The following SCMH1 variants were observed in gnomAD, a reference collection of about 807,000 sequenced individuals.
SCMH1 encodes polycomb protein SCMH1.
A neutral mutation model predicts 70.8 loss-of-function variants in SCMH1; 37 were observed. The ratio of observed to expected loss-of-function variants is 0.52; its 90% CI spans 0.40 to 0.69. SCMH1 has a LOEUF of 0.69. Ranked by LOEUF, SCMH1 falls within the 30% of genes least tolerant of loss-of-function variation. SCMH1 has a pLI of 0.00. For missense variants in SCMH1, 607 were observed against 827.3 expected, an observed-to-expected ratio of 0.73 and a Z score of 3.27; for synonymous variants, 292 against 307.4, an observed-to-expected ratio of 0.95 and a Z score of 0.52.
intron 1 of SCMH1, among the ~76,000 whole-genome samples, chr1:41,206,999 T>C (rs1655708698): frequency 1.3e-5 from 2 of 152,180 alleles, no homozygotes; most frequent in Admixed American, 6.5e-5. Context: ...CTCAGAGATT[T>C]TGTCACCACC....
At chr1:41,104,421 G>T (rs1271857360) in intron 8 of SCMH1, among the ~76,000 whole-genome samples, 1 of 152,066 alleles carries the variant, frequency 6.6e-6, no homozygotes, top group African/African-American at 2.4e-5. Flanking sequence ...AGGGTTAAAG[G>T]GAAAATAGTA....
At chr1:41,028,340 C>T in intron 14 of SCMH1, 21 bp from the exon 16 acceptor site, 1 of 1,609,436 alleles carries the variant, frequency 6.2e-7, no homozygotes, top group Non-Finnish European at 8.5e-7. Flanking sequence ...GGGAGGTGGG[C>T]AGAAGTGGAA....
At chr1:41,139,410 G>T (rs1322510099) in intron 6 of SCMH1, among the ~76,000 whole-genome samples, 1 of 152,024 alleles carries the variant, frequency 6.6e-6, no homozygotes, top group African/African-American at 2.4e-5. Flanking sequence ...TGATAATTGT[G>T]GCATTCTCGG....
chr1:41,185,657 T>TG (rs1649994949), intron 2 of SCMH1, among the ~76,000 whole-genome samples: 1 of 147,908 alleles, frequency 6.8e-6, no homozygotes, highest in Non-Finnish European at 1.5e-5. Flanking sequence ...TTTTTTGAGA[T>TG]GGAGTTTTGC....
chr1:41,095,986 G>A (rs543379575), intron 8 of SCMH1, among the ~76,000 whole-genome samples: 17 of 152,172 alleles, frequency 1.1e-4, no homozygotes, highest in Middle Eastern at 3.4e-3. Flanking sequence ...GAATAGGATA[G>A]CATACAGTAA....
At chr1:41,233,857 G>A (rs920386510) in intron 1 of SCMH1, among the ~76,000 whole-genome samples, 5 of 152,164 alleles carry the variant, frequency 3.3e-5, no homozygotes, top group African/African-American at 1.2e-4. Context: ...CTGCACAAGA[G>A]CACAGACTGT....
chr1:41,210,469 C>T (rs1557833841), intron 1 of SCMH1, among the ~76,000 whole-genome samples: 1 of 152,156 alleles, frequency 6.6e-6, no homozygotes, highest in East Asian at 1.9e-4. Flanking sequence ...CATTACAAGA[C>T]TACGTAACCA....
At chr1:41,151,388 AAAG>A (rs1362534675) in intron 5 of SCMH1, among the ~76,000 whole-genome samples, 1 of 152,236 alleles carries the variant, frequency 6.6e-6, no homozygotes, top group Non-Finnish European at 1.5e-5. Context: ...TCAAGGAGGT[AAAG>A]AAGGAGGCAA....
intron 2 of SCMH1, among the ~76,000 whole-genome samples, chr1:41,165,244 T>C (rs1392569907): frequency 6.6e-6 from 1 of 152,164 alleles, no homozygotes; most frequent in African/African-American, 2.4e-5. Flanking sequence ...ATGTATTCCA[T>C]TGTGTATATA....
In SCMH1 at chr1:41,114,325, T is replaced by C. The variant is rs996514349; in HGVS notation, c.502-799A>G. Among the ~76,000 whole-genome samples the C allele has an allele frequency of 6.3e-4, 96 of 152,360 alleles. 1 individual carries two copies. Among genetic ancestry groups the C allele is most frequent in the African/African-American group, 2.2e-3 (91 of 41,592 alleles). On this transcript the variant is annotated intron_variant, in intron 7 of 14. Coordinates refer to ENST00000337495, the Ensembl canonical transcript of SCMH1. ...GGTGCTAATTTGTAATGCAGTTACATAGATCAAGTTTCAAAAAATGTGTTG... is the reference window on the plus strand; with the variant it reads ...GGTGCTAATTTGTAATGCAGTTACACAGATCAAGTTTCAAAAAATGTGTTG...
chr1:41,168,035 A>G (rs1272425843), intron 2 of SCMH1, among the ~76,000 whole-genome samples: 2 of 149,804 alleles, frequency 1.3e-5, no homozygotes, highest in Non-Finnish European at 3.0e-5. Context: ...ATGACAATTC[A>G]CTTTTCCCTT....
At chr1:41,153,385 T>C (rs1397835829) in intron 4 of SCMH1, among the ~76,000 whole-genome samples, 2 of 152,236 alleles carry the variant, frequency 1.3e-5, no homozygotes, top group Non-Finnish European at 2.9e-5. Flanking sequence ...AGTTACTGTA[T>C]TAGGAAGCAC....
chr1:41,118,418 A>G (rs1285031059), intron 6 of SCMH1, among the ~76,000 whole-genome samples: 3 of 152,202 alleles, frequency 2.0e-5, no homozygotes, highest in Non-Finnish European at 4.4e-5. Context: ...GGATCTAATA[A>G]TCTCTTAAGA....
intron 1 of SCMH1, among the ~76,000 whole-genome samples, chr1:41,215,284 C>A (rs1338649242): frequency 6.6e-6 from 1 of 152,096 alleles, no homozygotes; most frequent in Non-Finnish European, 1.5e-5. Context: ...CAGAATAATT[C>A]TTCTGAAATA....
chr1:41,029,006 G>C (rs1051417299), intron 13 of SCMH1, among the ~76,000 whole-genome samples: 4 of 152,182 alleles, frequency 2.6e-5, no homozygotes, highest in Admixed American at 1.3e-4. Context: ...GTACCAACAT[G>C]GTAAGGGGAC....
intron 8 of SCMH1, among the ~76,000 whole-genome samples, chr1:41,110,480 G>A (rs1199795644): frequency 1.3e-5 from 2 of 152,096 alleles, no homozygotes; most frequent in African/African-American, 4.8e-5. Flanking sequence ...TGGCAACCAC[G>A]AATCTACTTC....
intron 8 of SCMH1, among the ~76,000 whole-genome samples, chr1:41,090,475 G>T (rs576686692): frequency 1.8e-4 from 28 of 152,038 alleles, no homozygotes; most frequent in African/African-American, 6.5e-4. Flanking sequence ...CTGGAAAAGG[G>T]AGGAGTACTG....
intron 9 of SCMH1, among the ~76,000 whole-genome samples, chr1:41,072,783 T>C (rs1290667381): frequency 6.6e-6 from 1 of 152,118 alleles, no homozygotes; most frequent in Admixed American, 6.5e-5. Context: ...GGAGGATCGC[T>C]TGAGCCCAGG....
At chr1:41,078,167 CTT>C (rs763874936) in intron 8 of SCMH1, among the ~76,000 whole-genome samples, 3 of 151,926 alleles carry the variant, frequency 2.0e-5, no homozygotes, top group Non-Finnish European at 2.9e-5. Flanking sequence ...GATTAATAAA[CTT>C]GATGAAAAAA....
Sources: gnomAD v4.1 joint callset for allele counts (sites outside exome capture counted in the v4.1 genomes callset) on GRCh38, gnomAD v4.1.1 for gene constraint, MANE v1.5 for transcripts, NCBI Gene and HGNC (gene_info 2026-07-23, HGNC 2026-07-21) for gene names.